The following HPGDS variants were observed in gnomAD, a reference collection of about 807,000 sequenced individuals.
HPGDS encodes hematopoietic prostaglandin D synthase, also known as GST class-sigma.
HPGDS carries 26 observed loss-of-function variants against 23.1 expected under a neutral mutation model. The observed-to-expected ratio is 1.13, with a 90% CI of 0.83 to 1.56. The LOEUF (loss-of-function observed/expected upper bound fraction) is 1.56. Among genes scored for constraint, HPGDS ranks in the 40% most tolerant of loss-of-function variants. The probability of loss-of-function intolerance (pLI) is 0.00; values close to 1 mark genes in which losing one functional copy is unlikely to be tolerated. For synonymous variants in HPGDS, 95 were observed against 77.9 expected (o/e 1.22, Z -1.16); for missense variants, 268 against 236.4 (o/e 1.13, Z -0.88).
chr4:94,322,698 CT>C (rs1417541920), intron 2 of HPGDS, among the ~76,000 whole-genome samples: 1 of 152,038 alleles, frequency 6.6e-6, no homozygotes, highest in African/African-American at 2.4e-5. Flanking sequence ...TTTTGTTGAT[CT>C]TTTCAAAAAA....
chr4:94,323,861 G>A lies in HPGDS; in HGVS notation c.134-5896C>T, dbSNP rs866766782. Among the ~76,000 whole-genome samples the A allele has an allele frequency of 1.6e-4, 24 of 152,104 alleles. 1 individual carries two copies. Among genetic ancestry groups the A allele is most frequent in the Admixed American group, 1.0e-3 (16 of 15,266 alleles). ...ATGCAGTTTCTTCCTTGCATTGATG[G>A]TCTTTACAATTTGGCATGTTTTTGC... On this transcript the variant is annotated intron_variant, in intron 2 of 5. Transcript: ENST00000295256.
At chr4:94,314,749 G>A (rs1756359638) in intron 3 of HPGDS, among the ~76,000 whole-genome samples, 1 of 152,158 alleles carries the variant, frequency 6.6e-6, no homozygotes, top group African/African-American at 2.4e-5. Flanking sequence ...GGAGTCTACG[G>A]AGGCAGGCAG....
intron 1 of HPGDS, among the ~76,000 whole-genome samples, chr4:94,336,809 A>G: frequency 6.6e-6 from 1 of 152,252 alleles, no homozygotes; most frequent in African/African-American, 2.4e-5. Flanking sequence ...AAAACATAAT[A>G]ATTAAGAGAT....
intron 1 of HPGDS, among the ~76,000 whole-genome samples, chr4:94,335,426 A>G (rs910639699): frequency 1.3e-5 from 2 of 152,208 alleles, no homozygotes; most frequent in African/African-American, 2.4e-5. Flanking sequence ...TTCATTGTTT[A>G]TAAATGGTTA....
intron 1 of HPGDS, among the ~76,000 whole-genome samples, chr4:94,338,765 A>G (rs939509267): frequency 1.3e-5 from 2 of 152,176 alleles, no homozygotes; most frequent in African/African-American, 4.8e-5. Context: ...ACAACAATAA[A>G]TAACATTTGT....
intron 3 of HPGDS, among the ~76,000 whole-genome samples, chr4:94,312,218 T>C (rs1187142221): frequency 6.6e-6 from 1 of 152,192 alleles, no homozygotes; most frequent in Non-Finnish European, 1.5e-5. Context: ...CTAGTTCTTT[T>C]AATTGTGATG....
intron 1 of HPGDS, among the ~76,000 whole-genome samples, chr4:94,340,005 G>A (rs1196076444): frequency 6.6e-6 from 1 of 152,180 alleles, no homozygotes; most frequent in Non-Finnish European, 1.5e-5. Context: ...GAACTGCAGT[G>A]CAGTGGCGCA....
intron 2 of HPGDS, among the ~76,000 whole-genome samples, chr4:94,322,697 T>C (rs1003197104): frequency 7.2e-5 from 11 of 152,188 alleles, no homozygotes; most frequent in Non-Finnish European, 1.5e-4. Flanking sequence ...ATTTTGTTGA[T>C]CTTTTCAAAA....
chr4:94,322,703 C>CA (rs1560591419), intron 2 of HPGDS, among the ~76,000 whole-genome samples: 1 of 151,988 alleles, frequency 6.6e-6, no homozygotes, highest in Admixed American at 6.6e-5. Context: ...TTGATCTTTT[C>CA]AAAAAATAAG....
intron 2 of HPGDS, among the ~76,000 whole-genome samples, chr4:94,323,762 C>T (rs1308689176): frequency 1.3e-5 from 2 of 152,132 alleles, no homozygotes; most frequent in African/African-American, 4.8e-5. Flanking sequence ...AGGCCATTTA[C>T]ATTTAAGGTT....
intron 4 of HPGDS, 21 bp from the exon 5 acceptor site, chr4:94,302,265 C>G: frequency 3.9e-6 from 6 of 1,524,156 alleles, no homozygotes; most frequent in Non-Finnish European, 5.4e-6. Flanking sequence ...GAGAAAATAT[C>G]ACTTTAAGAA....
At chr4:94,327,325 A>C (rs1756651103) in intron 2 of HPGDS, among the ~76,000 whole-genome samples, 1 of 152,168 alleles carries the variant, frequency 6.6e-6, no homozygotes, top group South Asian at 2.1e-4. Flanking sequence ...AATTGGCAGC[A>C]GCAGTGACAG....
intron 4 of HPGDS, among the ~76,000 whole-genome samples, chr4:94,304,587 T>G (rs2126035143): frequency 6.6e-6 from 1 of 152,246 alleles, no homozygotes. Flanking sequence ...TGTAGCCCAC[T>G]ACCAACAGTC....
At chr4:94,329,753 G>T (rs1756703213) in intron 2 of HPGDS, among the ~76,000 whole-genome samples, 1 of 152,196 alleles carries the variant, frequency 6.6e-6, no homozygotes, top group Admixed American at 6.5e-5. Context: ...GGAACACTGG[G>T]CTGCATCTAA....
intron 1 of HPGDS, among the ~76,000 whole-genome samples, chr4:94,340,311 C>CTTTCTTTCTTTTTCTTTTCTTTTTTTTT: frequency 8.4e-5 from 2 of 23,678 alleles, no homozygotes; most frequent in Non-Finnish European, 8.7e-5. Context: ...CTTTCTTTCT[C>CTTTCTTTCTTTTTCTTTTCTTTTTTTTT]TTTTTTTTTT....
At chr4:94,306,342 A>G (rs892106513) in intron 4 of HPGDS, among the ~76,000 whole-genome samples, 1 of 152,150 alleles carries the variant, frequency 6.6e-6, no homozygotes, top group African/African-American at 2.4e-5. Flanking sequence ...TGACAAATAT[A>G]TATCATTTTG....
intron 1 of HPGDS, among the ~76,000 whole-genome samples, chr4:94,336,873 A>G (rs1318804877): frequency 2.0e-5 from 3 of 152,240 alleles, no homozygotes; most frequent in Non-Finnish European, 4.4e-5. Context: ...TATTTGTTTT[A>G]AATATCAAAA....
chr4:94,315,673 G>T (rs1415431185), intron 3 of HPGDS, among the ~76,000 whole-genome samples: 2 of 152,172 alleles, frequency 1.3e-5, no homozygotes, highest in Non-Finnish European at 2.9e-5. Context: ...TGGATGAATT[G>T]TATGTAAATT....
intron 3 of HPGDS, among the ~76,000 whole-genome samples, chr4:94,313,172 C>A (rs1476563667): frequency 6.6e-6 from 1 of 152,136 alleles, no homozygotes; most frequent in African/African-American, 2.4e-5. Flanking sequence ...GAATTTGATC[C>A]TGTCATTATG....
Sources: allele counts gnomAD v4.1 joint callset (sites outside exome capture counted in the v4.1 genomes callset), GRCh38; gene constraint gnomAD v4.1.1; transcripts MANE v1.5; gene names NCBI Gene and HGNC (gene_info 2026-07-23, HGNC 2026-07-21).